Variants in SV2B observed in about 807,000 individuals in gnomAD.
SV2B encodes solute carrier family 22 member B2.
In SV2B, 41 loss-of-function variants were observed where a neutral mutation model predicts 73.9. The observed-to-expected ratio is 0.56, with a 90% confidence interval of 0.43 to 0.72. The LOEUF is 0.72. SV2B is among the 30% of genes least tolerant of loss of function. SV2B has a pLI of 0.00. For synonymous variants in SV2B, 314 were observed against 314.2 expected (o/e 1.00, Z 0.01); for missense variants, 764 against 857.8 (o/e 0.89, Z 1.37).
At chr15:91,107,898 C>T (rs941080198) in intron 1 of SV2B, among the ~76,000 whole-genome samples, 11 of 152,158 alleles carry the variant, frequency 7.2e-5, no homozygotes, top group African/African-American at 2.7e-4. Context: ...GTGTGAGTCA[C>T]CATGCCCAGC....
rs1596770851 is a variant in SV2B, at chr15:91,278,075, A to G, written c.1374-3653A>G. Reference sequence around the variant, plus strand: ...GACGTTGGCACCAGGATTTCCCATCATGAACATTTTCTGATTCTTCATGAG... The same window carrying G: ...GACGTTGGCACCAGGATTTCCCATCGTGAACATTTTCTGATTCTTCATGAG... On this transcript the variant is annotated intron_variant, in intron 9 of 12. Coordinates refer to ENST00000394232, the MANE Select transcript of SV2B (RefSeq NM_001323032.3). Among the ~76,000 whole-genome samples, 3 of 152,306 alleles carry G rather than the reference A, an allele frequency of 2.0e-5. No homozygotes were observed. The East Asian group carries it at 5.8e-4, about 29-fold the overall frequency.
At chr15:91,146,531 G>A (rs991836131) in intron 1 of SV2B, among the ~76,000 whole-genome samples, 5 of 152,110 alleles carry the variant, frequency 3.3e-5, no homozygotes, top group Non-Finnish European at 7.4e-5. Flanking sequence ...AAATTGCTTT[G>A]GGCAGTGTGG....
Position 91,110,113 on chromosome 15 carries a change from T to C in SV2B, c.-392+9750T>C, listed in dbSNP as rs1405217779. ...TCACTCAGGAGTAATGATGGACAGC[T>C]CATTTATCCATTAACGTGTTCTGTT... On this transcript the variant is annotated intron_variant, in intron 1 of 12. Transcript: ENST00000394232. The surrounding 1 kb of genome is among the most constrained non-coding windows in gnomAD (Gnocchi z 5.4). 6.6e-6 allele frequency among the ~76,000 whole-genome samples: 1 copy of C among 152,194 alleles called. No homozygotes were observed. Among genetic ancestry groups the C allele is most frequent in the Non-Finnish European group, 1.5e-5 (1 of 68,038 alleles).
At chr15:91,145,916 C>T (rs992652618) in intron 1 of SV2B, among the ~76,000 whole-genome samples, 1 of 152,168 alleles carries the variant, frequency 6.6e-6, no homozygotes. Flanking sequence ...CAAACATTTT[C>T]TCCCATTCTG....
intron 1 of SV2B, among the ~76,000 whole-genome samples, chr15:91,127,070 G>T (rs1054165777): frequency 2.6e-5 from 4 of 152,224 alleles, no homozygotes; most frequent in African/African-American, 9.6e-5. Context: ...TGGGCAAATT[G>T]CTTAACCTCT....
chr15:91,247,398 A>T (rs962306695), intron 2 of SV2B, among the ~76,000 whole-genome samples: 3 of 152,242 alleles, frequency 2.0e-5, no homozygotes, highest in African/African-American at 7.2e-5. Context: ...CATACCAGTT[A>T]CTTGAAAAGA....
At chr15:91,272,844 TTTTTTTTTG>T (rs1188501802) in intron 9 of SV2B, among the ~76,000 whole-genome samples, 4 of 143,658 alleles carry the variant, frequency 2.8e-5, no homozygotes, top group African/African-American at 1.1e-4. Flanking sequence ...TTTTTTTTTT[TTTTTTTTTG>T]ATGGAGTCTC....
intron 11 of SV2B, among the ~76,000 whole-genome samples, chr15:91,285,467 T>C (rs2048829376): frequency 6.6e-6 from 1 of 152,202 alleles, no homozygotes; most frequent in Non-Finnish European, 1.5e-5. Context: ...CGGAAGAAGA[T>C]GGCCTCTTTC....
At chr15:91,151,739 C>G (rs2043318969) in intron 1 of SV2B, among the ~76,000 whole-genome samples, 1 of 152,076 alleles carries the variant, frequency 6.6e-6, no homozygotes, top group South Asian at 2.1e-4. Context: ...GTCAGAAACC[C>G]CTTATATGAA....
rs2048638993 is a variant in SV2B at position 91,280,127 on chromosome 15, G to T, written c.1374-1601G>T. On this transcript the variant is annotated intron_variant, in intron 9 of 12. Coordinates refer to ENST00000394232, the MANE Select transcript of SV2B (RefSeq NM_001323032.3). This position sits in a 1 kb window ranked among gnomAD's most constrained non-coding sequence, Gnocchi z 5.8. ...AGTTTATTCTGATGCAAGTGGTCTG[G>T]GGTCCTGCTTTTGGTGAACACTTGC... Among the ~76,000 whole-genome samples, 1 of 152,098 alleles carries T rather than the reference G, an allele frequency of 6.6e-6. No individual in the cohort carries two copies.
rs968796655 is a variant in SV2B, at chr15:91,156,587, G to A, written c.-392+56224G>A. On this transcript the variant is annotated intron_variant, in intron 1 of 12. Transcript: ENST00000394232. ...TAGTGATGGGAAGCTGCGCAGGAGAGACCCATGCTAATAGCTCTAGGCTGC... is the reference window on the plus strand; with the variant it reads ...TAGTGATGGGAAGCTGCGCAGGAGAAACCCATGCTAATAGCTCTAGGCTGC... Among the ~76,000 whole-genome samples the A allele has an allele frequency of 2.6e-5, 4 of 152,198 alleles. No homozygotes were observed. The South Asian group carries it at 8.3e-4, about 31-fold the overall frequency.
intron 11 of SV2B, among the ~76,000 whole-genome samples, chr15:91,287,875 AG>A (rs1024905028): frequency 6.6e-6 from 1 of 152,178 alleles, no homozygotes; most frequent in African/African-American, 2.4e-5. Context: ...TGTGAGGACA[AG>A]GGGGGATAAT....
At chr15:91,166,053 G>A (rs1389968638) in intron 1 of SV2B, among the ~76,000 whole-genome samples, 1 of 152,122 alleles carries the variant, frequency 6.6e-6, no homozygotes, top group Non-Finnish European at 1.5e-5. Context: ...TGGCTTCCAT[G>A]ATTTCTTGTG....
At chr15:91,206,531 T>A (rs958759705) in intron 1 of SV2B, among the ~76,000 whole-genome samples, 2 of 152,196 alleles carry the variant, frequency 1.3e-5, no homozygotes, top group African/African-American at 4.8e-5. Context: ...AGGAATTTCT[T>A]TGGATTAGAA....
rs2046793482 is a variant in SV2B at position 91,236,637 on chromosome 15, G to C, written c.451+9923G>C. Among the ~76,000 whole-genome samples the C allele has an allele frequency of 6.6e-6, 1 of 152,210 alleles. No individual in the cohort carries two copies. ...ATAGAATCATAAAGGACTTTATTCT[G>C]GTTATCTATTATTACATATCAAACA... On this transcript the variant is annotated intron_variant, in intron 2 of 12. Transcript: ENST00000394232. The surrounding 1 kb of genome is among the most constrained non-coding windows in gnomAD (Gnocchi z 4.1).
chr15:91,198,011 G>C (rs550574899), intron 1 of SV2B, among the ~76,000 whole-genome samples: 1 of 152,232 alleles, frequency 6.6e-6, no homozygotes, highest in African/African-American at 2.4e-5. Flanking sequence ...CTACAGCCTG[G>C]GCAACAGAGC....
chr15:91,180,266 G>A (rs1244223392), intron 1 of SV2B, among the ~76,000 whole-genome samples: 5 of 152,234 alleles, frequency 3.3e-5, no homozygotes, highest in Admixed American at 6.5e-5. Flanking sequence ...GAGATCAGCT[G>A]TTAGTCTGAT....
Position 91,210,011 on chromosome 15 carries a change from G to T in SV2B, c.-391-15862G>T, listed in dbSNP as rs111400578. ...GGGAAGAGAATGGGGAGATGGAGGGGGACTAATTATAGAGCAGGGATCTGT... is the reference window on the plus strand; with the variant it reads ...GGGAAGAGAATGGGGAGATGGAGGGTGACTAATTATAGAGCAGGGATCTGT... On this transcript the variant is annotated intron_variant, in intron 1 of 12. Transcript: ENST00000394232. Among the ~76,000 whole-genome samples the T allele has an allele frequency of 8.2e-3, 1,252 of 152,074 alleles. 23 individuals carry two copies. Among genetic ancestry groups the T allele is most frequent in the African/African-American group, 0.028 (1,148 of 41,472 alleles).
At chr15:91,201,960 G>T (rs1377524896) in intron 1 of SV2B, among the ~76,000 whole-genome samples, 1 of 152,106 alleles carries the variant, frequency 6.6e-6, no homozygotes, top group African/African-American at 2.4e-5. Flanking sequence ...TTTAAGATTT[G>T]CCAGAGCATG....
Sources: gnomAD v4.1 joint callset for allele counts (sites outside exome capture counted in the v4.1 genomes callset) on GRCh38, gnomAD v4.1.1 for gene constraint, Gnocchi (gnomAD v3.1) non-coding constraint, MANE v1.5 for transcripts, NCBI Gene and HGNC (gene_info 2026-07-23, HGNC 2026-07-21) for gene names.